Variants in OPLAH observed in about 807,000 individuals in gnomAD.
OPLAH encodes the protein 5-oxoprolinase, ATP-hydrolysing.
OPLAH carries 103 observed loss-of-function variants against 122.8 expected under a neutral mutation model. The ratio of observed to expected loss-of-function variants is 0.84; its 90% CI spans 0.71 to 0.99. OPLAH has a LOEUF of 0.99. OPLAH is among the 50% of genes least tolerant of loss of function. OPLAH has a pLI of 0.00. For synonymous variants in OPLAH, 875 were observed against 796.0 expected, an observed-to-expected ratio of 1.10 and a Z score of -1.67; for missense variants, 1,902 against 1,836.5, an observed-to-expected ratio of 1.04 and a Z score of -0.65.
In OPLAH at chr8:144,052,837, G is replaced by A; in HGVS notation, c.3082C>T (p.Arg1028Trp). Residue 1028 changes from arginine (R) to tryptophan (W), a missense_variant, in exon 22 of 27, where the codon CGG becomes TGG. Arg to Trp is a moderately radical substitution (Grantham distance 101). Around this residue, in one of 3 missense-constraint regions of OPLAH, gnomAD observed 1,726 missense variants for 1,642.1 expected, o/e 1.05. Coordinates refer to ENST00000618853, the MANE Select transcript of OPLAH (RefSeq NM_017570.5). ...ATGAGGGCGGACAGGGTTACGGCCCGCGGTGCGTTGAGATTACCAAACACC... is the reference window on the plus strand; with the variant it reads ...ATGAGGGCGGACAGGGTTACGGCCCACGGTGCGTTGAGATTACCAAACACC... The part of the protein sequence containing the change: ...PEVFGNLNAP[R>W]AVTLSALIYC... The A allele has an allele frequency of 4.5e-6, 7 of 1,556,100 alleles. No homozygotes were observed. Among genetic ancestry groups the A allele is most frequent in the Admixed American group, 1.9e-5 (1 of 51,482 alleles).
In OPLAH at chr8:144,056,444, T is replaced by C. The variant is rs141154641; in HGVS notation, c.1924A>G (p.Ser642Gly). Residue 642 changes from serine (S) to glycine (G), a missense_variant, in exon 14 of 27, where the codon AGT (serine) becomes GGT (glycine). Physicochemically the swap from Ser to Gly is moderately conservative, Grantham distance 56. Coordinates refer to ENST00000618853, the MANE Select transcript of OPLAH (RefSeq NM_017570.5). ...DDVRVRGTGR[S>G]GLRLEDAPKA... ...GGGGCATCCTCGAGGCGAAGACCAC[T>C]GCGGCCGGTGCCCCGCACTCGCACA... 3.7e-6 allele frequency: 6 copies of C among 1,610,342 alleles called. No homozygotes were observed. The highest frequency in any genetic ancestry group is 2.2e-5 in the East Asian group (1 of 44,802).
upstream of OPLAH, chr8:144,060,758 C>T (rs1403382623): frequency 1.3e-5 from 2 of 152,166 alleles, no homozygotes; most frequent in Non-Finnish European, 2.9e-5. Flanking sequence ...AGGGCCCGCC[C>T]CCCGCGCCAC....
Position 144,058,511 on chromosome 8 carries a change from G to A in OPLAH, c.768C>T (p.Phe256=). 1 of 1,584,342 alleles carries A rather than the reference G, an allele frequency of 6.3e-7. No individual in the cohort carries two copies. The highest frequency in any genetic ancestry group is 8.6e-7 in the Non-Finnish European group (1 of 1,169,442). The change falls in exon 6 of 27, where the codon TTC becomes TTT. Residue 256 remains phenylalanine (F), a synonymous_variant. Coordinates refer to ENST00000618853, the MANE Select transcript of OPLAH (RefSeq NM_017570.5). ...ACAGCCTCACCTTGAGTTGGCCCTGGAAGCCACGGCAGAAGCCCTGCACGT... is the reference window on the plus strand; with the variant it reads ...ACAGCCTCACCTTGAGTTGGCCCTGAAAGCCACGGCAGAAGCCCTGCACGT... ...QRYVQGFCRG[F]QGQLKDVQVL... is the part of the protein sequence containing the mutation.
chr8:144,059,614 C>T lies in OPLAH; in HGVS notation c.348G>A (p.Gly116=). 1.9e-6 allele frequency: 3 copies of T among 1,609,172 alleles called. No homozygotes were observed. The highest frequency in any genetic ancestry group is 2.5e-6 in the Non-Finnish European group (3 of 1,177,454). ...DLLHIGTQAR[G]DLFDLAVPMP... is the part of the protein sequence containing the mutation. ...TGGAGCTCACCAGGTCAAAGAGGTC[C>T]CCACGGGCTTGGGTGCCAATGTGCA... The change falls in exon 3 of 27, where the codon GGG becomes GGA. Residue 116 remains glycine, a synonymous_variant. Coordinates refer to ENST00000618853, the MANE Select transcript of OPLAH (RefSeq NM_017570.5).
upstream of OPLAH, among the ~76,000 whole-genome samples, chr8:144,061,890 C>G (rs535363756): frequency 6.6e-6 from 1 of 151,720 alleles, no homozygotes; most frequent in Admixed American, 6.6e-5. Context: ...CGTGGTGGCA[C>G]GCACTTGTAG....
At chr8:144,063,347 C>T (rs1273542961), upstream of OPLAH, among the ~76,000 whole-genome samples, 1 of 152,252 alleles carries the variant, frequency 6.6e-6, no homozygotes, top group Non-Finnish European at 1.5e-5. The surrounding 1 kb of genome is among the most constrained non-coding windows in gnomAD (Gnocchi z 4.2). Flanking sequence ...CCACCCCGGC[C>T]AGGCTTCCAT....
rs782461474 is a variant in OPLAH, at chr8:144,058,193, C to T, written c.950-45G>A. ...GGTGGGTCACTTGAAGACCCAGGGG[C>T]CCAGCAGCTGAGCCTCCCCGAGACC... On this transcript the variant is annotated intron_variant, in intron 7 of 26. Transcript: ENST00000618853. 2.5e-6 allele frequency: 4 copies of T among 1,605,842 alleles called. No homozygotes were observed. In the East Asian group the frequency reaches 8.9e-5, roughly 36 times the overall value.
chr8:144,052,873 T>A lies in OPLAH; in HGVS notation c.3046A>T (p.Thr1016Ser), dbSNP rs781784577. The change falls in exon 22 of 27, where the codon ACT becomes TCT. Residue 1016 changes from threonine to serine, a missense_variant. By Grantham distance (58) the Thr-to-Ser change is moderately conservative. This residue lies in a region of OPLAH where 1,726 missense variants were observed against 1,642.1 expected (regional missense o/e 1.05). Coordinates refer to ENST00000618853, the MANE Select transcript of OPLAH (RefSeq NM_017570.5). ...QGSAVFDFSG[T>S]GPEVFGNLNA... Reference sequence around the variant, plus strand: ...AGATTACCAAACACCTCCGGCCCAGTGCCGCTGAAGTCAAACACGGCGCTG... The same window carrying A: ...AGATTACCAAACACCTCCGGCCCAGAGCCGCTGAAGTCAAACACGGCGCTG... 1.3e-6 allele frequency: 2 copies of A among 1,554,524 alleles called. No individual in the cohort carries two copies. The highest frequency in any genetic ancestry group is 1.7e-6 in the Non-Finnish European group (2 of 1,149,578).
chr8:144,052,557 G>A lies in OPLAH; in HGVS notation c.3195C>T (p.Ser1065=). 6.3e-7 allele frequency: 1 copy of A among 1,596,602 alleles called. No homozygotes were observed. Among genetic ancestry groups the A allele is most frequent in the Non-Finnish European group, 8.5e-7 (1 of 1,177,600 alleles). ...CCGCCTCGGGCGACGGGTCCAGGATGGAGCCTCGGGGAATGACCACGCGCA... is the reference window on the plus strand; with the variant it reads ...CCGCCTCGGGCGACGGGTCCAGGATAGAGCCTCGGGGAATGACCACGCGCA... The part of the protein sequence containing the change: ...APVRVVIPRG[S]ILDPSPEAAV... Residue 1065 remains serine, a synonymous_variant, in exon 23 of 27, where the codon TCC becomes TCT. Coordinates refer to ENST00000618853, the MANE Select transcript of OPLAH (RefSeq NM_017570.5).
In OPLAH at chr8:144,052,833, G is replaced by T. The variant is rs1162847395; in HGVS notation, c.3086C>A (p.Ala1029Asp). ...EVFGNLNAPR[A>D]VTLSALIYCL... ...GTAGATGAGGGCGGACAGGGTTACG[G>T]CCCGCGGTGCGTTGAGATTACCAAA... is the stretch of plus-strand genomic sequence containing the variant. Residue 1029 changes from alanine to aspartate, a missense_variant, in exon 22 of 27, where the codon GCC becomes GAC. Ala to Asp is a moderately radical substitution (Grantham distance 126). Around this residue, in one of 3 missense-constraint regions of OPLAH, gnomAD observed 1,726 missense variants for 1,642.1 expected, o/e 1.05. Transcript: ENST00000618853. The T allele has an allele frequency of 1.3e-6, 2 of 1,556,756 alleles. No homozygotes were observed. Among genetic ancestry groups the T allele is most frequent in the East Asian group, 2.4e-5 (1 of 41,184 alleles).
Position 144,057,691 on chromosome 8 carries a change from AT to A in OPLAH, c.1178del (p.Asp393ValfsTer46). On this transcript the variant is annotated frameshift_variant, in exon 10 of 27. Coordinates refer to ENST00000618853, the MANE Select transcript of OPLAH (RefSeq NM_017570.5). LOFTEE classifies it high-confidence loss of function. ...GCAGGCGACCCAGGACCAGATTAGCATCCGTCACTGTCACAGGGCCCCCTGG... is the reference window on the plus strand; with the variant it reads ...GCAGGCGACCCAGGACCAGATTAGCACCGTCACTGTCACAGGGCCCCCTGG... The part of the protein sequence containing the change: ...YRKGGPVTVT[D>X]ANLVLGRLLP... 1 of 1,609,262 alleles carries A rather than the reference AT, an allele frequency of 6.2e-7. No homozygotes were observed. The highest frequency in any genetic ancestry group is 1.7e-5 in the Admixed American group (1 of 59,362).
downstream of OPLAH, chr8:144,050,640 G>C (rs1162731852): frequency 1.0e-6 from 1 of 984,678 alleles, no homozygotes; most frequent in South Asian, 4.7e-5. Context: ...TATCGCGCTT[G>C]GGGGGAGGGT....
At chr8:144,050,709 G>T (rs1002641564), downstream of OPLAH, 3 of 985,680 alleles carry the variant, frequency 3.0e-6, no homozygotes, top group African/African-American at 5.2e-5. Context: ...TCGTGCTTAG[G>T]GGGAGGGTAT....
Position 144,056,077 on chromosome 8 carries a change from G to C in OPLAH, c.2096+70C>G. On this transcript the variant is annotated intron_variant, in intron 15 of 26. Transcript: ENST00000618853. The stretch of plus-strand genomic sequence containing the variant: ...TGCAGGCCCCTGCAGCCTTGGGCCA[G>C]AGAACCCTGCACCAGGGGCCCCGCA... The C allele has an allele frequency of 1.9e-6, 3 of 1,544,786 alleles. No homozygotes were observed. The East Asian group carries it at 6.9e-5, about 35-fold the overall frequency.
chr8:144,060,344 C>T (rs1835638082), intron 1 of OPLAH, among the ~76,000 whole-genome samples: 1 of 152,210 alleles, frequency 6.6e-6, no homozygotes, highest in African/African-American at 2.4e-5. Context: ...GGAGCAGGCA[C>T]GGGAGGTGGG....
upstream of OPLAH, among the ~76,000 whole-genome samples, chr8:144,062,351 AC>A (rs1228034155): frequency 6.6e-6 from 1 of 151,634 alleles, no homozygotes; most frequent in Non-Finnish European, 1.5e-5. Context: ...CTGTGATGCC[AC>A]CCCCAGACCC....
upstream of OPLAH, among the ~76,000 whole-genome samples, chr8:144,062,201 G>T (rs182505328): frequency 6.6e-5 from 10 of 152,224 alleles, no homozygotes; most frequent in Admixed American, 5.9e-4. Context: ...CCCCTTTCCT[G>T]TAACATTTGT....
Position 144,052,783 on chromosome 8 carries a change from C to G in OPLAH, c.3136G>C (p.Asp1046His). Reference protein sequence around the residue: ...IYCLRCLVGRDIPLNQGCLAP... With the variant: ...IYCLRCLVGRHIPLNQGCLAP... ...CTGCGAACCTGGTTGAGTGGGATGT[C>G]GCGGCCCACCAGACAGCGCAGGCAG... Residue 1046 changes from aspartate to histidine, a missense_variant, in exon 22 of 27, where the codon GAC (aspartate) becomes CAC (histidine). Transcript: ENST00000618853. 6.4e-7 allele frequency: 1 copy of G among 1,565,288 alleles called. No homozygotes were observed. Among genetic ancestry groups the G allele is most frequent in the Non-Finnish European group, 8.6e-7 (1 of 1,156,208 alleles).
At chr8:144,060,377 C>T (rs1396349367) in intron 1 of OPLAH, among the ~76,000 whole-genome samples, 6 of 152,200 alleles carry the variant, frequency 3.9e-5, no homozygotes, top group African/African-American at 1.2e-4. Flanking sequence ...CCCTGGAGCC[C>T]TCGGGCGGGG....
Sources: gnomAD v4.1 joint callset for allele counts (sites outside exome capture counted in the v4.1 genomes callset) on GRCh38, gnomAD v4.1.1 for gene constraint, gnomAD v4.1.1 regional missense constraint, Gnocchi (gnomAD v3.1) non-coding constraint, MANE v1.5 for transcripts, NCBI Gene and HGNC (gene_info 2026-07-23, HGNC 2026-07-21) for gene names.